The following SARDH variants were observed in gnomAD, a reference collection of about 807,000 sequenced individuals.
SARDH encodes sarcosine dehydrogenase, mitochondrial.
SARDH carries 95 observed loss-of-function variants against 109.1 expected under a neutral mutation model. The ratio of observed to expected loss-of-function variants is 0.87; its 90% CI spans 0.74 to 1.03. SARDH has a LOEUF of 1.03. Among genes scored for constraint, SARDH ranks in the 50% least tolerant of loss-of-function variants. The pLI is 0.00. For missense variants in SARDH, 1,267 were observed against 1,287.8 expected (o/e 0.98, Z 0.25); for synonymous variants, 572 against 534.8 (o/e 1.07, Z -0.96).
chr9:133,676,749 GT>G, intron 17 of SARDH, among the ~76,000 whole-genome samples: 1 of 152,362 alleles, frequency 6.6e-6, no homozygotes, highest in East Asian at 1.9e-4. Context: ...AGCAGAGAAT[GT>G]TCCAGAAGTG....
At chr9:133,674,367 G>A (rs893770850) in intron 17 of SARDH, among the ~76,000 whole-genome samples, 3 of 152,224 alleles carry the variant, frequency 2.0e-5, no homozygotes, top group Admixed American at 1.3e-4. Context: ...CCGGCACGTC[G>A]TCCTTGGCCA....
Position 133,718,614 on chromosome 9 carries a change from G to T in SARDH, c.1020+324C>A. 1.3e-6 allele frequency: 1 copy of T among 772,072 alleles called. No homozygotes were observed. Among genetic ancestry groups the T allele is most frequent in the South Asian group, 1.3e-5 (1 of 74,200 alleles). The allele number at this position is 772,072 out of a possible 1,614,324, so 47.8% of individuals were successfully genotyped here. The stretch of plus-strand genomic sequence containing the variant: ...GGAAATGCCGCTGCAGCAGCTGGTT[G>T]GGAGGGCAGTGTCATTTGCTGAAGG... On this transcript the variant is annotated intron_variant, in intron 7 of 20. Transcript: ENST00000439388. This position sits in a 1 kb window ranked among gnomAD's most constrained non-coding sequence, Gnocchi z 4.2.
At chr9:133,694,546 A>G (rs1831217264) in intron 14 of SARDH, among the ~76,000 whole-genome samples, 175 bp from the exon 15 acceptor site, 1 of 152,156 alleles carries the variant, frequency 6.6e-6, no homozygotes, top group Non-Finnish European at 1.5e-5. Context: ...CAGGGATGCC[A>G]TTTCAGCTTA....
At chr9:133,662,815 C>T (rs1006633942), downstream of SARDH, among the ~76,000 whole-genome samples, 1 of 152,206 alleles carries the variant, frequency 6.6e-6, no homozygotes, top group South Asian at 2.1e-4. The surrounding 1 kb of genome is among the most constrained non-coding windows in gnomAD (Gnocchi z 5.1). Flanking sequence ...GGCAAGACTG[C>T]GCAGTGCCGC....
chr9:133,702,935 A>T lies in SARDH; in HGVS notation c.1649T>A (p.Phe550Tyr). The change falls in exon 13 of 21, where the codon TTC (phenylalanine) becomes TAC (tyrosine). Residue 550 changes from phenylalanine to tyrosine, a missense_variant. Phe to Tyr is a conservative substitution (Grantham distance 22). Transcript: ENST00000439388. ...ACGCACCGTGTCGTGGTGGGGCGGGAAGGCGAAGGTGTACTCGTCTGCCAG... is the reference window on the plus strand; with the variant it reads ...ACGCACCGTGTCGTGGTGGGGCGGGTAGGCGAAGGTGTACTCGTCTGCCAG... Reference protein sequence around the residue: ...RLLADEYTFAFPPHHDTIKKE... With the variant: ...RLLADEYTFAYPPHHDTIKKE... 1 of 1,612,328 alleles carries T rather than the reference A, an allele frequency of 6.2e-7. No individual in the cohort carries two copies. The highest frequency in any genetic ancestry group is 8.5e-7 in the Non-Finnish European group (1 of 1,179,910).
chr9:133,670,944 C>G (rs1238930575), intron 18 of SARDH, among the ~76,000 whole-genome samples, 192 bp from the exon 19 acceptor site: 2 of 152,180 alleles, frequency 1.3e-5, no homozygotes, highest in African/African-American at 2.4e-5. Context: ...CTCCCCCGAG[C>G]AGACTGCCCA....
Position 133,671,595 on chromosome 9 carries a change from C to T in SARDH, c.2266G>A (p.Ala756Thr), listed in dbSNP as rs749960215. 1.2e-6 allele frequency: 2 copies of T among 1,605,448 alleles called. No homozygotes were observed. The highest frequency in any genetic ancestry group is 1.1e-5 in the South Asian group (1 of 89,478). Residue 756 changes from alanine to threonine, a missense_variant, in exon 18 of 21, where the codon GCC (alanine) becomes ACC (threonine). Coordinates refer to ENST00000439388, the MANE Select transcript of SARDH (RefSeq NM_001134707.2). ...PVYRAVMAAG[A>T]KHGLINAGYR... ...CCTGCGTTGATGAGGCCGTGCTTGG[C>T]ACCCGCGGCCATCACAGCCCGGTAC...
At chr9:133,723,966 T>C (rs963614625) in intron 6 of SARDH, among the ~76,000 whole-genome samples, 3 of 152,078 alleles carry the variant, frequency 2.0e-5, no homozygotes, top group Non-Finnish European at 4.4e-5. Context: ...CAGGCATAAG[T>C]ATAAGAGCTA....
downstream of SARDH, among the ~76,000 whole-genome samples, chr9:133,661,909 T>G (rs1270826652): frequency 6.6e-6 from 1 of 152,304 alleles, no homozygotes; most frequent in Non-Finnish European, 1.5e-5. Context: ...GTTTTTAAAG[T>G]TGAGGTCTGG....
At chr9:133,665,810 A>G (rs1012435125) in intron 20 of SARDH, among the ~76,000 whole-genome samples, 13 of 152,140 alleles carry the variant, frequency 8.5e-5, no homozygotes, top group Non-Finnish European at 1.3e-4. Flanking sequence ...GCTTCTCCCA[A>G]GTGCTCGCTC....
At chr9:133,733,118 C>A (rs1217626717) in intron 2 of SARDH, among the ~76,000 whole-genome samples, 2 of 152,204 alleles carry the variant, frequency 1.3e-5, no homozygotes, top group African/African-American at 4.8e-5. Context: ...GCTATGACAG[C>A]CCAGCTAGGG....
At chr9:133,707,783 AG>A (rs1831748225) in intron 11 of SARDH, among the ~76,000 whole-genome samples, 1 of 151,980 alleles carries the variant, frequency 6.6e-6, no homozygotes, top group Non-Finnish European at 1.5e-5. Context: ...GGACCAGGGG[AG>A]GGCACAGGGG....
intron 14 of SARDH, among the ~76,000 whole-genome samples, chr9:133,695,577 G>T (rs1831255595): frequency 6.6e-6 from 1 of 152,180 alleles, no homozygotes; most frequent in Non-Finnish European, 1.5e-5. Flanking sequence ...GCAAGGAAGG[G>T]TCCTCTGCAG....
At chr9:133,732,832 GC>G (rs1174459733) in intron 2 of SARDH, among the ~76,000 whole-genome samples, 1 of 152,144 alleles carries the variant, frequency 6.6e-6, no homozygotes, top group East Asian at 1.9e-4. Context: ...CATAGCAAAG[GC>G]CCCCATTTTT....
chr9:133,707,689 C>T (rs925351916), intron 11 of SARDH, among the ~76,000 whole-genome samples: 7 of 152,248 alleles, frequency 4.6e-5, no homozygotes, highest in East Asian at 1.9e-4. Context: ...GAAAGCAAAG[C>T]GTCCAGCACG....
rs778768383 is a variant in SARDH at position 133,734,083 on chromosome 9, C to T, written c.91G>A (p.Ala31Thr). 8.7e-6 allele frequency: 14 copies of T among 1,613,056 alleles called. No individual in the cohort carries two copies. Among genetic ancestry groups the T allele is most frequent in the Middle Eastern group, 3.3e-4 (2 of 6,040 alleles). ...CTCTTCTCGGCTGTGGGGCCAGCTG[C>T]GCTGGACAGGTTGCATGGCCCCATG... ...RGMGPCNLSS[A>T]AGPTAEKSVP... Residue 31 changes from alanine (A) to threonine (T), a missense_variant, in exon 2 of 21, where the codon GCA (alanine) becomes ACA (threonine). Ala to Thr is a moderately conservative substitution (Grantham distance 58). Coordinates refer to ENST00000439388, the MANE Select transcript of SARDH (RefSeq NM_001134707.2).
At chr9:133,739,026 C>G (rs544087966), upstream of SARDH, among the ~76,000 whole-genome samples, 8 of 152,176 alleles carry the variant, frequency 5.3e-5, no homozygotes, top group Non-Finnish European at 7.4e-5. Flanking sequence ...GGGGGCCACA[C>G]AGCAAGCTGG....
chr9:133,719,128 C>T (rs1490185565), intron 6 of SARDH, 86 bp from the exon 7 acceptor site: 1 of 1,076,666 alleles, frequency 9.3e-7, no homozygotes, highest in Non-Finnish European at 1.4e-6. Flanking sequence ...CCAGCACCTC[C>T]ACCCAGGGTC....
downstream of SARDH, among the ~76,000 whole-genome samples, chr9:133,662,638 A>G (rs1829918817): frequency 6.6e-6 from 1 of 152,232 alleles, no homozygotes; most frequent in Non-Finnish European, 1.5e-5. This position sits in a 1 kb window ranked among gnomAD's most constrained non-coding sequence, Gnocchi z 5.1. Flanking sequence ...GTTCGAGCTC[A>G]GTCCACAGTG....
Sources: gnomAD v4.1 joint callset for allele counts (sites outside exome capture counted in the v4.1 genomes callset) on GRCh38, gnomAD v4.1.1 for gene constraint, Gnocchi (gnomAD v3.1) non-coding constraint, MANE v1.5 for transcripts, NCBI Gene and HGNC (gene_info 2026-07-23, HGNC 2026-07-21) for gene names.